Variants in PSMC6 observed in about 807,000 individuals in gnomAD.
The protein encoded by PSMC6 is 26S proteasome regulatory subunit 10B.
In PSMC6, 3 loss-of-function variants were observed where a neutral mutation model predicts 55.9. The ratio of observed to expected loss-of-function variants is 0.05; its 90% CI spans 0.02 to 0.14. The LOEUF (loss-of-function observed/expected upper bound fraction) is 0.14, where lower values mean the gene tolerates loss of function less well. PSMC6 is among the 10% of genes least tolerant of loss of function. PSMC6 has a pLI of 1.00. For missense variants in PSMC6, 210 were observed against 478.7 expected (o/e 0.44, Z 5.24); for synonymous variants, 137 against 155.9 (o/e 0.88, Z 0.90).
chr14:52,707,610 C>G (rs2295825), intron 1 of PSMC6: 201,599 of 315,458 alleles, frequency 0.64, 65,379 homozygotes, highest in African/African-American at 0.77. Flanking sequence ...GAAGGGCAGT[C>G]TTGGTGGAGT....
At chr14:52,713,992 C>T in intron 7 of PSMC6, 24 bp downstream of exon 7, 1 of 1,293,698 alleles carries the variant, frequency 7.7e-7, no homozygotes, top group Non-Finnish European at 1.1e-6. Context: ...TATTTCTACT[C>T]CACCAATAAG....
At chr14:52,709,651 A>G (rs1171170055) in intron 4 of PSMC6, 1 of 442,348 alleles carries the variant, frequency 2.3e-6, no homozygotes, top group African/African-American at 2.1e-5. Context: ...TTGAAGACTA[A>G]AAAACATTAG....
intron 4 of PSMC6, chr14:52,709,761 A>G (rs186019521): frequency 1.0e-5 from 3 of 297,936 alleles, no homozygotes; most frequent in East Asian, 2.3e-4. Flanking sequence ...GTTTTAGAAT[A>G]TTTGTGTTGT....
intron 11 of PSMC6, 58 bp downstream of exon 11, chr14:52,721,039 TACTTC>T (rs1302735640): frequency 1.8e-5 from 28 of 1,591,744 alleles, no homozygotes; most frequent in African/African-American, 2.7e-5. Context: ...TCTTTTTCCA[TACTTC>T]ACTTCACCTT....
chr14:52,719,116 C>G, intron 10 of PSMC6, 78 bp downstream of exon 10: 1 of 1,156,704 alleles, frequency 8.6e-7, no homozygotes, highest in East Asian at 2.4e-5. Context: ...ATTTGATAGT[C>G]AAAATATATA....
intron 1 of PSMC6, chr14:52,707,601 A>C: frequency 2.9e-6 from 1 of 349,764 alleles, no homozygotes; most frequent in Non-Finnish European, 5.4e-6. Context: ...AGGGTGCAAG[A>C]AGGGCAGTCT....
At chr14:52,715,357 T>C (rs948842366) in intron 7 of PSMC6, among the ~76,000 whole-genome samples, 2 of 152,222 alleles carry the variant, frequency 1.3e-5, no homozygotes, top group Non-Finnish European at 2.9e-5. Context: ...TGGAATACTA[T>C]TTTTGCTTGA....
At chr14:52,718,581 G>T (rs1244260242) in intron 9 of PSMC6, 5 of 456,732 alleles carry the variant, frequency 1.1e-5, no homozygotes, top group African/African-American at 4.0e-5. Flanking sequence ...CAGGTCAGGA[G>T]ATCGAGACCA....
At chr14:52,717,624 G>T (rs764808210) in intron 7 of PSMC6, among the ~76,000 whole-genome samples, 11 of 151,790 alleles carry the variant, frequency 7.2e-5, no homozygotes, top group Non-Finnish European at 1.2e-4. Flanking sequence ...ACCTGGCCAA[G>T]TACTTTGGAA....
chr14:52,721,940 G>A (rs1321408811), intron 12 of PSMC6: 1 of 152,272 alleles, frequency 6.6e-6, no homozygotes, highest in Non-Finnish European at 1.5e-5. Flanking sequence ...TTGTTTTTTT[G>A]TAGGGATGGG....
rs373579933 is a variant in PSMC6 at position 52,714,865 on chromosome 14, CAAAAAAAAAA to C, written c.529+911_529+920del. Among the ~76,000 whole-genome samples the C allele has an allele frequency of 3.2e-3, 214 of 67,114 alleles. 1 individual carries two copies. Among genetic ancestry groups the C allele is most frequent in the African/African-American group, 0.012 (209 of 16,794 alleles). The allele number at this position is 67,114 out of a possible 152,430, so 44.0% of individuals were successfully genotyped here. A position where few individuals can be genotyped will look rare whatever the true frequency, so the allele number is the denominator to read the frequency against. ...TGGCTGACAGAGTGAGACTCCTTCT[CAAAAAAAAAA>C]AAAAAAAAAAAAATTTTTTTATATA... On this transcript the variant is annotated intron_variant, in intron 7 of 13. Coordinates refer to ENST00000445930, the MANE Select transcript of PSMC6 (RefSeq NM_002806.5).
intron 9 of PSMC6, chr14:52,718,693 C>T (rs373279454): frequency 3.6e-5 from 15 of 412,934 alleles, no homozygotes; most frequent in Admixed American, 8.1e-5. Context: ...GGCTGAGGCA[C>T]GAGAATCGCT....
chr14:52,709,736 C>CT (rs200184712), intron 4 of PSMC6: 7,538 of 232,204 alleles, frequency 0.032, 11 homozygotes, highest in South Asian at 0.069. Flanking sequence ...TAGATTTTGG[C>CT]TTTTTTTTTT....
At chr14:52,719,176 A>C in intron 10 of PSMC6, 138 bp downstream of exon 10, 1 of 833,420 alleles carries the variant, frequency 1.2e-6, no homozygotes, top group African/African-American at 1.7e-5. Context: ...AGGAACAAAC[A>C]TGTTTCTCTA....
At chr14:52,725,657 AGGCGT>A (rs901101285) in intron 13 of PSMC6, among the ~76,000 whole-genome samples, 6 of 152,188 alleles carry the variant, frequency 3.9e-5, no homozygotes, top group African/African-American at 1.4e-4. Context: ...CTGGGACTAT[AGGCGT>A]GCGCCACCAC....
intron 1 of PSMC6, among the ~76,000 whole-genome samples, 162 bp from the exon 2 acceptor site, chr14:52,708,147 C>T (rs1377012339): frequency 6.6e-6 from 1 of 152,140 alleles, no homozygotes; most frequent in Non-Finnish European, 1.5e-5. Context: ...TACATGCCAC[C>T]TACTCATTAC....
intron 10 of PSMC6, among the ~76,000 whole-genome samples, chr14:52,720,040 T>C (rs972756641): frequency 6.6e-6 from 1 of 151,864 alleles, no homozygotes; most frequent in Non-Finnish European, 1.5e-5. Flanking sequence ...CTGACCAACG[T>C]AGCGAAACAC....
chr14:52,711,297 C>A, intron 5 of PSMC6, 113 bp from the exon 6 acceptor site: 1 of 1,259,098 alleles, frequency 7.9e-7, no homozygotes, highest in Admixed American at 2.0e-5. Context: ...TAATTAAGCA[C>A]ATCTTTATGA....
At chr14:52,724,883 T>G (rs1880340820) in intron 13 of PSMC6, among the ~76,000 whole-genome samples, 1 of 152,268 alleles carries the variant, frequency 6.6e-6, no homozygotes, top group African/African-American at 2.4e-5. Flanking sequence ...TTCCTCTTGC[T>G]TTTCATATCA....
Sources: gnomAD v4.1 joint callset for allele counts (sites outside exome capture counted in the v4.1 genomes callset) on GRCh38, gnomAD v4.1.1 for gene constraint, MANE v1.5 for transcripts, NCBI Gene and HGNC (gene_info 2026-07-23, HGNC 2026-07-21) for gene names.